SCRG1: variants seen among roughly 807,000 people sequenced by gnomAD.
The protein encoded by SCRG1 is scrapie-responsive protein 1.
SCRG1 carries 3 observed loss-of-function variants against 7.7 expected under a neutral mutation model. The observed-to-expected ratio is 0.39, with a 90% CI of 0.18 to 1.01. SCRG1 has a LOEUF of 1.01. SCRG1 is among the 50% of genes least tolerant of loss of function. SCRG1 has a pLI of 0.36. For missense variants in SCRG1, 110 were observed against 117.2 expected (o/e 0.94, Z 0.28); for synonymous variants, 46 against 41.2 (o/e 1.12, Z -0.44).
the SCRG1 span, among the ~76,000 whole-genome samples, chr4:173,448,845 T>A: frequency 6.6e-6 from 1 of 152,220 alleles, no homozygotes; most frequent in Non-Finnish European, 1.5e-5. Flanking sequence ...TTGAGTTGTG[T>A]CATTTATTTG....
the SCRG1 span, among the ~76,000 whole-genome samples, chr4:173,460,177 G>A: frequency 6.6e-6 from 1 of 152,216 alleles, no homozygotes; most frequent in African/African-American, 2.4e-5. Flanking sequence ...ATCACTGAAA[G>A]AGGCACTGAA....
chr4:173,469,939 C>T, the SCRG1 span: 2 of 151,858 alleles, frequency 1.3e-5, no homozygotes, highest in East Asian at 1.9e-4. Context: ...GTAGATGAAC[C>T]ATTTCTCTCT....
At chr4:173,457,608 T>C in the SCRG1 span, among the ~76,000 whole-genome samples, 1 of 152,204 alleles carries the variant, frequency 6.6e-6, no homozygotes, top group African/African-American at 2.4e-5. Context: ...TGGCACTTGG[T>C]GACTGTGAGA....
At chr4:173,465,571 ATTAAG>A in the SCRG1 span, among the ~76,000 whole-genome samples, 1 of 151,760 alleles carries the variant, frequency 6.6e-6, no homozygotes, top group African/African-American at 2.4e-5. Context: ...CATTCCTATA[ATTAAG>A]TTGTGTTATT....
the SCRG1 span, among the ~76,000 whole-genome samples, chr4:173,435,525 CTGTG>C: frequency 1.3e-5 from 2 of 152,162 alleles, no homozygotes; most frequent in African/African-American, 2.4e-5. Flanking sequence ...AGGCTGTTAC[CTGTG>C]TGTGAGTCTG....
chr4:173,425,953 C>T, the SCRG1 span, among the ~76,000 whole-genome samples: 1 of 152,336 alleles, frequency 6.6e-6, no homozygotes, highest in South Asian at 2.1e-4. Flanking sequence ...GTCAACACTC[C>T]CACTGCCACT....
chr4:173,419,324 G>T, the SCRG1 span: 2 of 779,308 alleles, frequency 2.6e-6, no homozygotes, highest in Non-Finnish European at 4.1e-6. Flanking sequence ...CTGAGCAAGG[G>T]ATATTTTGGG....
chr4:173,474,346 G>A, the SCRG1 span, among the ~76,000 whole-genome samples: 1,021 of 152,176 alleles, frequency 6.7e-3, 2 homozygotes, highest in Non-Finnish European at 0.012. Context: ...TTCAATTTAA[G>A]CATTATGTAA....
the SCRG1 span, among the ~76,000 whole-genome samples, chr4:173,499,066 T>C: frequency 6.6e-6 from 1 of 152,206 alleles, no homozygotes; most frequent in African/African-American, 2.4e-5. The surrounding 1 kb of genome is among the most constrained non-coding windows in gnomAD (Gnocchi z 4.1). Flanking sequence ...TTCTTTCAAA[T>C]GGGAGCCCTA....
chr4:173,468,130 A>T, the SCRG1 span: 2 of 152,630 alleles, frequency 1.3e-5, no homozygotes, highest in Admixed American at 6.5e-5. Context: ...ACGATGGACC[A>T]CATATACAAC....
At chr4:173,511,541 G>A in the SCRG1 span, among the ~76,000 whole-genome samples, 1 of 151,986 alleles carries the variant, frequency 6.6e-6, no homozygotes, top group South Asian at 2.1e-4. The surrounding 1 kb of genome is among the most constrained non-coding windows in gnomAD (Gnocchi z 5.2). Flanking sequence ...ACTAACTAAG[G>A]AGGGGAGAGG....
chr4:173,485,279 G>A, the SCRG1 span, among the ~76,000 whole-genome samples: 2 of 48,420 alleles, frequency 4.1e-5, no homozygotes, highest in Non-Finnish European at 1.4e-4. Flanking sequence ...CTCAGCCTTG[G>A]TCTCAAGAAG....
chr4:173,452,784 A>AT, the SCRG1 span, among the ~76,000 whole-genome samples: 1 of 152,116 alleles, frequency 6.6e-6, no homozygotes. Context: ...ATTTTGTCTT[A>AT]TTTTCAATAT....
At chr4:173,459,231 A>C in the SCRG1 span, among the ~76,000 whole-genome samples, 1 of 152,234 alleles carries the variant, frequency 6.6e-6, no homozygotes, top group Non-Finnish European at 1.5e-5. Context: ...TCAACAAGGC[A>C]ACATTGTATT....
At chr4:173,388,454 A>C in intron 2 of SCRG1, 59 bp from the exon 3 acceptor site, 2 of 1,177,224 alleles carry the variant, frequency 1.7e-6, no homozygotes, top group African/African-American at 1.5e-5. Context: ...TAGTTAGTCT[A>C]TTCTAGGTTA....
chr4:173,437,437 CA>C, the SCRG1 span, among the ~76,000 whole-genome samples: 3 of 152,290 alleles, frequency 2.0e-5, no homozygotes, highest in African/African-American at 7.2e-5. Context: ...AACATTTAGC[CA>C]CAGGATGTCA....
the SCRG1 span, among the ~76,000 whole-genome samples, chr4:173,516,603 C>T: frequency 6.6e-6 from 1 of 152,222 alleles, no homozygotes; most frequent in African/African-American, 2.4e-5. Context: ...GCTGCCCTGG[C>T]AGGGACGCCC....
intron 1 of SCRG1, among the ~76,000 whole-genome samples, chr4:173,394,571 G>C (rs1029490923): frequency 3.3e-5 from 5 of 152,098 alleles, no homozygotes; most frequent in Non-Finnish European, 7.4e-5. Flanking sequence ...TTGAACCCAG[G>C]AGGCAGAGAT....
chr4:173,468,201 T>C, the SCRG1 span: 1 of 152,428 alleles, frequency 6.6e-6, no homozygotes, highest in Non-Finnish European at 1.5e-5. Context: ...TTTAGATATG[T>C]TTAGATACAC....
Sources: allele counts gnomAD v4.1 joint callset (sites outside exome capture counted in the v4.1 genomes callset), GRCh38; gene constraint gnomAD v4.1.1; non-coding constraint Gnocchi (gnomAD v3.1); transcripts MANE v1.5; gene names NCBI Gene and HGNC (gene_info 2026-07-23, HGNC 2026-07-21).